RBFOX1: variants seen among roughly 807,000 people sequenced by gnomAD.
The protein encoded by RBFOX1 is RNA binding protein fox-1 homolog 1.
A neutral mutation model predicts 57.7 loss-of-function variants in RBFOX1; 8 were observed. That is an observed-to-expected ratio of 0.14 (90% CI 0.08 to 0.25). The LOEUF (loss-of-function observed/expected upper bound fraction) is 0.25. Among genes scored for constraint, RBFOX1 ranks in the 10% least tolerant of loss-of-function variants. RBFOX1 has a pLI of 1.00. For synonymous variants in RBFOX1, 326 were observed against 222.4 expected (o/e 1.47, Z -4.15); for missense variants, 611 against 548.5 (o/e 1.11, Z -1.14).
intron 3 of RBFOX1, among the ~76,000 whole-genome samples, chr16:6,851,314 G>T (rs1226711993): frequency 1.3e-5 from 2 of 152,118 alleles, no homozygotes; most frequent in African/African-American, 2.4e-5. Context: ...GTCATAGAAG[G>T]CGTCTTTTTG....
chr16:6,124,422 ATGACCCCTAGGGAT>A (rs1228187071), intron 1 of RBFOX1, among the ~76,000 whole-genome samples: 1 of 152,188 alleles, frequency 6.6e-6, no homozygotes, highest in Non-Finnish European at 1.5e-5. Context: ...TGAGCCTAAG[ATGACCCCTAGGGAT>A]TGACCCCTGG....
chr16:6,747,795 G>A (rs750190155), intron 3 of RBFOX1, among the ~76,000 whole-genome samples: 4 of 152,074 alleles, frequency 2.6e-5, no homozygotes, highest in Non-Finnish European at 5.9e-5. Context: ...GCTCATAGAT[G>A]TCTGAATTGT....
At chr16:7,403,834 C>T (rs1458226122) in intron 4 of RBFOX1, among the ~76,000 whole-genome samples, 3 of 152,034 alleles carry the variant, frequency 2.0e-5, no homozygotes, top group Admixed American at 6.5e-5. Context: ...GCGTGAGCCA[C>T]CATGCCGGGG....
chr16:7,673,923 G>C (rs560418403), intron 13 of RBFOX1, among the ~76,000 whole-genome samples: 1 of 152,294 alleles, frequency 6.6e-6, no homozygotes, highest in South Asian at 2.1e-4. Context: ...ACATGGTCTG[G>C]TGACAGCAAT....
intron 1 of RBFOX1, among the ~76,000 whole-genome samples, chr16:5,430,714 G>C (rs1190306180): frequency 6.6e-6 from 1 of 152,164 alleles, no homozygotes; most frequent in African/African-American, 2.4e-5. Context: ...TAAACTTCCT[G>C]CTGCGCCAAA....
At chr16:7,346,108 G>C (rs113401425) in intron 4 of RBFOX1, among the ~76,000 whole-genome samples, 30,904 of 152,124 alleles carry the variant, frequency 0.2, 4,921 homozygotes, top group African/African-American at 0.45. Context: ...ATAGTTTGCT[G>C]AGAATGATGG....
chr16:6,594,140 G>T (rs542715398), intron 2 of RBFOX1, among the ~76,000 whole-genome samples: 91 of 152,302 alleles, frequency 6.0e-4, no homozygotes, highest in Non-Finnish European at 1.1e-3. Context: ...GAAATGACAG[G>T]AGCTTAGCAA....
chr16:7,064,712 C>G (rs1214069919), intron 4 of RBFOX1, among the ~76,000 whole-genome samples: 1 of 152,260 alleles, frequency 6.6e-6, no homozygotes, highest in East Asian at 1.9e-4. Context: ...CACATCTAAA[C>G]CTCGTGAGAA....
intron 1 of RBFOX1, among the ~76,000 whole-genome samples, chr16:5,370,967 T>C: frequency 6.6e-6 from 1 of 152,216 alleles, no homozygotes; most frequent in African/African-American, 2.4e-5. Context: ...GAATGTTTTT[T>C]AGATGGATTG....
chr16:5,839,266 G>A (rs1597446741), intron 3 of RBFOX1, among the ~76,000 whole-genome samples: 1 of 152,264 alleles, frequency 6.6e-6, no homozygotes, highest in East Asian at 1.9e-4. Context: ...AGGGAAGAAA[G>A]TCTTACAAAA....
At chr16:5,506,292 T>G (rs1209401180) in intron 2 of RBFOX1, among the ~76,000 whole-genome samples, 5 of 152,204 alleles carry the variant, frequency 3.3e-5, no homozygotes, top group Admixed American at 2.6e-4. Flanking sequence ...AATAGGATGC[T>G]TGGCAGCCTG....
intron 2 of RBFOX1, among the ~76,000 whole-genome samples, chr16:6,445,005 T>A (rs2094456716): frequency 6.6e-6 from 1 of 151,998 alleles, no homozygotes; most frequent in Non-Finnish European, 1.5e-5. Context: ...AGGAAGCTGT[T>A]TTAAGTATTC....
At chr16:6,360,078 A>T (rs761874040) in intron 2 of RBFOX1, among the ~76,000 whole-genome samples, 9 of 152,190 alleles carry the variant, frequency 5.9e-5, no homozygotes, top group Non-Finnish European at 1.3e-4. Context: ...TCTGAGCAGC[A>T]TTCAATTTCG....
intron 4 of RBFOX1, among the ~76,000 whole-genome samples, chr16:7,209,161 A>G (rs1441882157): frequency 7.0e-6 from 1 of 143,874 alleles, no homozygotes; most frequent in Admixed American, 6.9e-5. Flanking sequence ...TAATAATAAT[A>G]ATAATAATAA....
At chr16:6,159,394 G>T (rs559434223) in intron 1 of RBFOX1, among the ~76,000 whole-genome samples, 30 of 152,046 alleles carry the variant, frequency 2.0e-4, no homozygotes, top group Non-Finnish European at 3.4e-4. Context: ...TAGGTTTTTG[G>T]GGGGAGAAGC....
chr16:6,575,360 C>G (rs1163616222), intron 2 of RBFOX1, among the ~76,000 whole-genome samples: 7 of 152,060 alleles, frequency 4.6e-5, no homozygotes, highest in South Asian at 4.2e-4. Flanking sequence ...TCAACATTGT[C>G]TATAGATTGC....
intron 4 of RBFOX1, among the ~76,000 whole-genome samples, chr16:7,386,861 C>G (rs930267124): frequency 6.6e-6 from 1 of 152,132 alleles, no homozygotes; most frequent in Non-Finnish European, 1.5e-5. Flanking sequence ...AAAAGTGTTC[C>G]TATTTCTCCA....
chr16:7,104,289 T>A (rs1020080159), intron 4 of RBFOX1, among the ~76,000 whole-genome samples: 3 of 152,126 alleles, frequency 2.0e-5, no homozygotes, highest in African/African-American at 7.2e-5. Context: ...TTCACTGGAA[T>A]TGAGGATATA....
chr16:7,644,552 G>GT (rs2063394067), intron 11 of RBFOX1, among the ~76,000 whole-genome samples: 1 of 152,112 alleles, frequency 6.6e-6, no homozygotes, highest in East Asian at 1.9e-4. Context: ...ACTCTCACCC[G>GT]TTTGAGGATT....
Sources: gnomAD v4.1 joint callset for allele counts (sites outside exome capture counted in the v4.1 genomes callset) on GRCh38, gnomAD v4.1.1 for gene constraint, MANE v1.5 for transcripts, NCBI Gene and HGNC (gene_info 2026-07-23, HGNC 2026-07-21) for gene names.